KLC1: variants seen among roughly 807,000 people sequenced by gnomAD.
KLC1 encodes the protein kinesin light chain 1.
In KLC1, 30 loss-of-function variants were observed where a neutral mutation model predicts 84.2. The observed-to-expected ratio is 0.36, with a 90% confidence interval of 0.27 to 0.48. The LOEUF (loss-of-function observed/expected upper bound fraction) is 0.48, where lower values mean the gene tolerates loss of function less well. KLC1 is among the 20% of genes least tolerant of loss of function. The pLI is 0.99. For missense variants in KLC1, 499 were observed against 805.4 expected (o/e 0.62, Z 4.60); for synonymous variants, 289 against 293.3 (o/e 0.99, Z 0.15).
chr14:103,655,949 A>G (rs796087079), intron 2 of KLC1, among the ~76,000 whole-genome samples: 10 of 152,342 alleles, frequency 6.6e-5, no homozygotes, highest in African/African-American at 2.4e-4. Flanking sequence ...GGCTTAAACC[A>G]CAAGATGTTT....
Position 103,700,729 on chromosome 14 carries a change from T to C in KLC1, c.*1+2T>C. 1 of 1,591,852 alleles carries C rather than the reference T, an allele frequency of 6.3e-7. No homozygotes were observed. The highest frequency in any genetic ancestry group is 8.5e-7 in the Non-Finnish European group (1 of 1,169,786). ...GGCCTGGAAGACGCCACCGCTAACG[T>C]GAGTCCCACGGCCTGCAGCCCCAGG... On this transcript the variant is annotated splice_donor_variant, in intron 16 of 16. Transcript: ENST00000334553. LOFTEE classifies it low-confidence loss of function (3UTR_SPLICE).
chr14:103,651,497 C>A (rs1158240228), intron 1 of KLC1, among the ~76,000 whole-genome samples: 2 of 151,992 alleles, frequency 1.3e-5, no homozygotes, highest in Non-Finnish European at 2.9e-5. Context: ...GCCTTGGCAC[C>A]GTTTATTATA....
At position 103,641,732 on chromosome 14, in the gene KLC1, T is replaced by G. The variant is rs569785512; in HGVS notation, c.-2+12238T>G. On this transcript the variant is annotated intron_variant, in intron 1 of 16. Transcript: ENST00000334553. The stretch of plus-strand genomic sequence containing the variant: ...CCACCTCCACCTCAGCCTCCCAGGC[T>G]CAATTCATCCTCCCAAGTAGCTGGG... Among the ~76,000 whole-genome samples the G allele has an allele frequency of 1.5e-3, 223 of 151,838 alleles. 1 individual carries two copies. Among genetic ancestry groups the G allele is most frequent in the African/African-American group, 5.1e-3 (213 of 41,406 alleles).
At chr14:103,642,046 T>A (rs2077532651) in intron 1 of KLC1, among the ~76,000 whole-genome samples, 1 of 152,170 alleles carries the variant, frequency 6.6e-6, no homozygotes, top group Non-Finnish European at 1.5e-5. Context: ...TTCTCCTGCC[T>A]CAGCCTCCTG....
chr14:103,684,113 G>T (rs2081589727), intron 13 of KLC1: 1 of 152,244 alleles, frequency 6.6e-6, no homozygotes, highest in African/African-American at 2.4e-5. Flanking sequence ...GTAGGTGGAG[G>T]CTGCATTGAG....
At chr14:103,675,894 A>T (rs2080832842) in intron 11 of KLC1, 138 bp downstream of exon 11, 2 of 667,910 alleles carry the variant, frequency 3.0e-6, no homozygotes, top group African/African-American at 1.8e-5. Flanking sequence ...AATTCCAATT[A>T]AAAAAACCCC....
Position 103,679,482 on chromosome 14 carries a change from G to T in KLC1, c.1587G>T (p.Val529=). ...GCCGTGAGAGCCTCAACGTGGACGT[G>T]GTCAAGTACGAGAGTGGCCCTGACG... The part of the protein sequence containing the change: ...RRSRESLNVD[V]VKYESGPDGG... The change falls in exon 13 of 17, where the codon GTG becomes GTT. Residue 529 remains valine, a synonymous_variant. Coordinates refer to ENST00000334553, the MANE Select transcript of KLC1 (RefSeq NM_001394837.1). The T allele has an allele frequency of 6.2e-7, 1 of 1,614,062 alleles. No homozygotes were observed. Among genetic ancestry groups the T allele is most frequent in the Non-Finnish European group, 8.5e-7 (1 of 1,179,992 alleles).
At position 103,654,588 on chromosome 14, in the gene KLC1, G is replaced by C; in HGVS notation, c.24G>C (p.Met8Ile). 1 of 1,613,096 alleles carries C rather than the reference G, an allele frequency of 6.2e-7. No homozygotes were observed. Among genetic ancestry groups the C allele is most frequent in the East Asian group, 2.2e-5 (1 of 44,872 alleles). MYDNMST[M>I]VYIKEDKLEK... ...GAATGTATGACAACATGTCCACAAT[G>C]GTGTACATAAAGGAAGACAAGTTGG... Residue 8 changes from methionine to isoleucine, a missense_variant, in exon 2 of 17, where the codon ATG becomes ATC. Around this residue, in one of 3 missense-constraint regions of KLC1, gnomAD observed 179 missense variants for 264.2 expected, o/e 0.68. Coordinates refer to ENST00000334553, the MANE Select transcript of KLC1 (RefSeq NM_001394837.1).
At chr14:103,656,365 A>T (rs1005676757) in intron 2 of KLC1, among the ~76,000 whole-genome samples, 1 of 152,222 alleles carries the variant, frequency 6.6e-6, no homozygotes, top group Non-Finnish European at 1.5e-5. Flanking sequence ...CTTTGTTTCT[A>T]TAATATCATG....
chr14:103,699,122 G>A (rs1469515531), intron 15 of KLC1: 3 of 1,572,782 alleles, frequency 1.9e-6, no homozygotes, highest in Non-Finnish European at 2.6e-6. Context: ...ACACCACATG[G>A]CTGCACTCAC....
At chr14:103,645,618 G>A (rs546035163) in intron 1 of KLC1, among the ~76,000 whole-genome samples, 2 of 152,254 alleles carry the variant, frequency 1.3e-5, no homozygotes, top group African/African-American at 4.8e-5. Flanking sequence ...TGCACACCTA[G>A]GCTGTATGGT....
chr14:103,671,668 GC>G (rs1203077731), intron 7 of KLC1, among the ~76,000 whole-genome samples: 1 of 152,194 alleles, frequency 6.6e-6, no homozygotes, highest in African/African-American at 2.4e-5. Context: ...ACTGCACCCA[GC>G]CGCACAAATG....
chr14:103,644,549 C>T (rs1170287663), intron 1 of KLC1, among the ~76,000 whole-genome samples: 2 of 152,064 alleles, frequency 1.3e-5, no homozygotes, highest in Non-Finnish European at 2.9e-5. Context: ...TGAGCCACCG[C>T]GCCCGGCCTG....
chr14:103,659,909 T>C (rs2079139605), intron 3 of KLC1, among the ~76,000 whole-genome samples: 1 of 152,174 alleles, frequency 6.6e-6, no homozygotes. Context: ...GCCATCTCTT[T>C]GTGTTCTCAT....
chr14:103,636,842 C>G (rs1249230264), intron 1 of KLC1, among the ~76,000 whole-genome samples: 1 of 151,942 alleles, frequency 6.6e-6, no homozygotes, highest in African/African-American at 2.4e-5. Flanking sequence ...CCTGCCTCAG[C>G]CTCTGGAGTA....
At chr14:103,636,554 G>T (rs1455190027) in intron 1 of KLC1, among the ~76,000 whole-genome samples, 2 of 151,696 alleles carry the variant, frequency 1.3e-5, no homozygotes, top group African/African-American at 4.8e-5. Context: ...ATTCTAGCGG[G>T]GTATAGTGGC....
chr14:103,637,077 T>C (rs1357398227), intron 1 of KLC1, among the ~76,000 whole-genome samples: 2 of 151,844 alleles, frequency 1.3e-5, no homozygotes, highest in Non-Finnish European at 2.9e-5. Flanking sequence ...GCTCTTGCTC[T>C]ATTGCCCAGG....
At chr14:103,699,645 G>A in intron 15 of KLC1, 4 of 1,523,358 alleles carry the variant, frequency 2.6e-6, no homozygotes, top group Non-Finnish European at 3.6e-6. Context: ...GACCCCGTTT[G>A]GACTGTCACT....
Position 103,699,406 on chromosome 14 carries a change from C to T in KLC1, c.1849-1249C>T, listed in dbSNP as rs969202747. The T allele has an allele frequency of 3.1e-6, 5 of 1,612,176 alleles. No homozygotes were observed. In the African/African-American group the frequency reaches 5.3e-5, roughly 17 times the overall value. On this transcript the variant is annotated intron_variant, in intron 15 of 16. Coordinates refer to ENST00000334553, the MANE Select transcript of KLC1 (RefSeq NM_001394837.1). ...CAGGGCTCTGGAAGGCACTGCTCAGCTCACGCAGCGTGGCCCCCAGGGACT... is the reference window on the plus strand; with the variant it reads ...CAGGGCTCTGGAAGGCACTGCTCAGTTCACGCAGCGTGGCCCCCAGGGACT...
Sources: gnomAD v4.1 joint callset for allele counts (sites outside exome capture counted in the v4.1 genomes callset) on GRCh38, gnomAD v4.1.1 for gene constraint, gnomAD v4.1.1 regional missense constraint, MANE v1.5 for transcripts, NCBI Gene and HGNC (gene_info 2026-07-23, HGNC 2026-07-21) for gene names.